Variants in METTL15 observed in about 807,000 individuals in gnomAD.
The protein encoded by METTL15 is methyltransferase 15, mitochondrial 12S rRNA N4-cytidine.
Under a neutral mutation model 38.3 loss-of-function variants are expected in METTL15, and 34 were observed. The ratio of observed to expected loss-of-function variants is 0.89; its 90% CI spans 0.68 to 1.18. The LOEUF is 1.18. Ranked by LOEUF, METTL15 falls within the 50% of genes most tolerant of loss-of-function variation. The pLI is 0.00. For missense variants in METTL15, 438 were observed against 498.4 expected (o/e 0.88, Z 1.15); for synonymous variants, 162 against 170.9 (o/e 0.95, Z 0.41).
intron 3 of METTL15, among the ~76,000 whole-genome samples, chr11:28,208,635 G>T (rs1451744928): frequency 1.3e-5 from 2 of 152,108 alleles, no homozygotes; most frequent in African/African-American, 2.4e-5. Flanking sequence ...TCCGCTTTGT[G>T]CAGAGCTGAG....
At chr11:28,473,320 C>A (rs919229199) in intron 6 of METTL15, among the ~76,000 whole-genome samples, 4 of 152,088 alleles carry the variant, frequency 2.6e-5, no homozygotes, top group African/African-American at 9.7e-5. Flanking sequence ...AAATTAATCA[C>A]CTGGGAGAAT....
At chr11:28,391,561 A>G (rs1391043742) in intron 5 of METTL15, among the ~76,000 whole-genome samples, 10 of 152,160 alleles carry the variant, frequency 6.6e-5, no homozygotes, top group Admixed American at 5.9e-4. Context: ...CTGACTTCAA[A>G]TTGTACTACA....
chr11:28,417,365 G>A (rs1182156201), intron 5 of METTL15, among the ~76,000 whole-genome samples: 1 of 152,132 alleles, frequency 6.6e-6, no homozygotes, highest in East Asian at 1.9e-4. Flanking sequence ...CATATTTTAA[G>A]TCCCAATCTA....
At chr11:28,241,314 G>C (rs368066015) in intron 4 of METTL15, among the ~76,000 whole-genome samples, 4 of 152,116 alleles carry the variant, frequency 2.6e-5, no homozygotes, top group African/African-American at 9.6e-5. Flanking sequence ...CAGGCGGATC[G>C]CAAGGTCAGG....
chr11:28,450,078 T>G (rs1439811542), intron 6 of METTL15, among the ~76,000 whole-genome samples: 1 of 152,244 alleles, frequency 6.6e-6, no homozygotes, highest in Non-Finnish European at 1.5e-5. Flanking sequence ...TTTGTTTGAA[T>G]TCAAGGTTCA....
intron 4 of METTL15, among the ~76,000 whole-genome samples, chr11:28,222,848 A>G (rs1280623788): frequency 2.0e-5 from 3 of 152,230 alleles, no homozygotes; most frequent in Admixed American, 2.0e-4. Flanking sequence ...TAGGAAAAAG[A>G]TTGATATCTA....
chr11:28,228,631 A>G lies in METTL15; in HGVS notation c.407+17433A>G, dbSNP rs532027510. ...ATATGTATTGTAAGTTTCTGTGTAT[A>G]TGTGACTGCAGTTAAACCTTATTGT... is the stretch of plus-strand genomic sequence containing the variant. On this transcript the variant is annotated intron_variant, in intron 4 of 6. Coordinates refer to ENST00000407364, the MANE Select transcript of METTL15 (RefSeq NM_001113528.2). Among the ~76,000 whole-genome samples the G allele has an allele frequency of 1.3e-4, 20 of 152,030 alleles. No homozygotes were observed. The South Asian group carries it at 2.3e-3, about 17-fold the overall frequency.
chr11:28,345,339 C>G (rs1849987266), intron 3 of METTL15, among the ~76,000 whole-genome samples: 1 of 152,088 alleles, frequency 6.6e-6, no homozygotes. Context: ...CAGGCGTGCG[C>G]CACCACGCCC....
At chr11:28,518,985 T>C (rs1851741960) in intron 6 of METTL15, 2 of 152,250 alleles carry the variant, frequency 1.3e-5, no homozygotes, top group African/African-American at 2.4e-5. Context: ...ATTTGTTTGT[T>C]TGCATATTTC....
intron 6 of METTL15, among the ~76,000 whole-genome samples, chr11:28,500,509 G>T (rs566968978): frequency 6.6e-6 from 1 of 152,110 alleles, no homozygotes; most frequent in South Asian, 2.1e-4. Flanking sequence ...CTGTGCATAT[G>T]CAATGTGAGC....
intron 3 of METTL15, among the ~76,000 whole-genome samples, chr11:28,201,617 G>GTGTGTGTGTGTGTGTGTGTGTGTA (rs1185435872): frequency 6.6e-6 from 1 of 151,764 alleles, no homozygotes. Flanking sequence ...GAGGGTGTGT[G>GTGTGTGTGTGTGTGTGTGTGTGTA]TGTGTGTCCA....
intron 6 of METTL15, among the ~76,000 whole-genome samples, chr11:28,523,704 A>T (rs1469887860): frequency 1.3e-5 from 2 of 152,356 alleles, no homozygotes; most frequent in Non-Finnish European, 2.9e-5. Context: ...ATCAGTAATA[A>T]GTTAGGCAGC....
intron 4 of METTL15, among the ~76,000 whole-genome samples, chr11:28,212,732 C>T (rs576994034): frequency 2.6e-5 from 4 of 152,166 alleles, no homozygotes; most frequent in South Asian, 2.1e-4. Context: ...TACAGATGCA[C>T]GTGTCTTTTT....
intron 5 of METTL15, among the ~76,000 whole-genome samples, chr11:28,397,297 A>C (rs1850581427): frequency 6.6e-6 from 1 of 152,064 alleles, no homozygotes; most frequent in South Asian, 2.1e-4. Flanking sequence ...CATCAGAGTG[A>C]ACAGGCAACC....
At chr11:28,186,403 TTAA>T (rs2133793670) in intron 3 of METTL15, among the ~76,000 whole-genome samples, 1 of 151,452 alleles carries the variant, frequency 6.6e-6, no homozygotes, top group South Asian at 2.1e-4. Flanking sequence ...TGTATATATC[TTAA>T]TAATCTTTCT....
chr11:28,458,277 C>G (rs1024621420), intron 6 of METTL15, among the ~76,000 whole-genome samples: 5 of 152,194 alleles, frequency 3.3e-5, no homozygotes, highest in African/African-American at 1.2e-4. Flanking sequence ...CCTTGTTTAT[C>G]TATTCTTTTT....
chr11:28,505,108 T>C (rs1046250921), intron 6 of METTL15, among the ~76,000 whole-genome samples: 2 of 152,192 alleles, frequency 1.3e-5, no homozygotes, highest in Non-Finnish European at 2.9e-5. Flanking sequence ...TGGCTGGACA[T>C]GGCTTTTCCT....
intron 5 of METTL15, among the ~76,000 whole-genome samples, chr11:28,376,714 G>T (rs912440750): frequency 8.0e-5 from 12 of 150,550 alleles, no homozygotes; most frequent in Non-Finnish European, 1.6e-4. Flanking sequence ...GATGTTAGCT[G>T]GTTATTTTGC....
chr11:28,482,185 G>C (rs1044793858), intron 6 of METTL15, among the ~76,000 whole-genome samples: 1 of 152,178 alleles, frequency 6.6e-6, no homozygotes, highest in African/African-American at 2.4e-5. Context: ...ATGGCTGGAG[G>C]CTGTAGCTAC....
Sources: allele counts gnomAD v4.1 joint callset (sites outside exome capture counted in the v4.1 genomes callset), GRCh38; gene constraint gnomAD v4.1.1; transcripts MANE v1.5; gene names NCBI Gene and HGNC (gene_info 2026-07-23, HGNC 2026-07-21).